Variants in CCDC88C observed in about 807,000 individuals in gnomAD.
CCDC88C encodes coiled-coil and HOOK domain protein 88C, also known as protein Daple.
Under a neutral mutation model 198.8 loss-of-function variants are expected in CCDC88C, and 131 were observed. That is an observed-to-expected ratio of 0.66 (90% CI 0.57 to 0.76). The LOEUF is 0.76. CCDC88C is among the 30% of genes least tolerant of loss of function. The pLI is 0.00. For synonymous variants in CCDC88C, 1,166 were observed against 1,114.7 expected, an observed-to-expected ratio of 1.05 and a Z score of -0.92; for missense variants, 2,553 against 2,631.6, an observed-to-expected ratio of 0.97 and a Z score of 0.65.
At chr14:91,320,875 A>G (rs1892327013) in intron 13 of CCDC88C, among the ~76,000 whole-genome samples, 1 of 152,274 alleles carries the variant, frequency 6.6e-6, no homozygotes, top group South Asian at 2.1e-4. Flanking sequence ...AGAAAGTCAC[A>G]TGTCCGGGTC....
At chr14:91,370,783 G>A (rs547946228) in intron 3 of CCDC88C, among the ~76,000 whole-genome samples, 1 of 152,214 alleles carries the variant, frequency 6.6e-6, no homozygotes, top group African/African-American at 2.4e-5. Flanking sequence ...CCCAACAGCA[G>A]AGGGATGCTG....
At chr14:91,285,709 A>AG in intron 25 of CCDC88C, 2 of 1,288,946 alleles carry the variant, frequency 1.6e-6, no homozygotes, top group Non-Finnish European at 2.0e-6. Flanking sequence ...GAGGCTCGTT[A>AG]GGAGAGGATG....
At position 91,299,986 on chromosome 14, in the gene CCDC88C, C is replaced by T; in HGVS notation, c.3720G>A (p.Glu1240=). 1 of 1,597,208 alleles carries T rather than the reference C, an allele frequency of 6.3e-7. No individual in the cohort carries two copies. Among genetic ancestry groups the T allele is most frequent in the Non-Finnish European group, 8.5e-7 (1 of 1,172,582 alleles). ...CCATGGCGAGGGCGTTTGTCCTCTG[C>T]TCCTGCTGCAGCGCCTCTCGCTCAG... ...LTTEREALQQ[E]QRTNALAMGE... Residue 1240 remains glutamate (E), a synonymous_variant, in exon 21 of 30, where the codon GAG becomes GAA. Coordinates refer to ENST00000389857, the MANE Select transcript of CCDC88C (RefSeq NM_001080414.4).
At chr14:91,355,736 T>C (rs1257480634) in intron 4 of CCDC88C, among the ~76,000 whole-genome samples, 1 of 140,638 alleles carries the variant, frequency 7.1e-6, no homozygotes, top group Non-Finnish European at 1.6e-5. Flanking sequence ...TTCTGTCTGA[T>C]GGGTGTGGGG....
In CCDC88C at chr14:91,321,290, A is replaced by T. The variant is rs1288864278; in HGVS notation, c.1357T>A (p.Phe453Ile). The T allele has an allele frequency of 1.3e-6, 2 of 1,556,422 alleles. No individual in the cohort carries two copies. Among genetic ancestry groups the T allele is most frequent in the Admixed American group, 1.9e-5 (1 of 51,654 alleles). Reference sequence around the variant, plus strand: ...GCACATTCGTTCAGCTCAAACACAAACGACTTCCTGGAGGCTGAAGACAAA... The same window carrying T: ...GCACATTCGTTCAGCTCAAACACAATCGACTTCCTGGAGGCTGAAGACAAA... The part of the protein sequence containing the change: ...ADLSDASRKS[F>I]VFELNECASS... The change falls in exon 13 of 30, where the codon TTT becomes ATT. Residue 453 changes from phenylalanine to isoleucine, a missense_variant. By Grantham distance (21) the Phe-to-Ile change is conservative (BLOSUM62 0). This residue lies in a region of CCDC88C where 1,260 missense variants were observed against 1,412.0 expected (regional missense o/e 0.89). Coordinates refer to ENST00000389857, the MANE Select transcript of CCDC88C (RefSeq NM_001080414.4).
intron 4 of CCDC88C, among the ~76,000 whole-genome samples, chr14:91,351,198 T>C (rs1893771657): frequency 6.6e-6 from 1 of 152,242 alleles, no homozygotes; most frequent in Non-Finnish European, 1.5e-5. Flanking sequence ...CATTCTCTTC[T>C]CTTCTGGCTT....
rs1285769 is a variant in CCDC88C, at chr14:91,331,626, C to A, written c.1051-5570G>T. ...TCACTGGCCGGTGCTGGCCAACAAC[C>A]CTTTCTGTCCCTCTGGCTGACCCCT... On this transcript the variant is annotated intron_variant, in intron 10 of 29. Coordinates refer to ENST00000389857, the MANE Select transcript of CCDC88C (RefSeq NM_001080414.4). Among the ~76,000 whole-genome samples, 1,411 of 152,310 alleles carry A rather than the reference C, an allele frequency of 9.3e-3. 24 individuals carry two copies. The highest frequency in any genetic ancestry group is 0.022 in the East Asian group (114 of 5,180).
rs1028070874 is a variant in CCDC88C at position 91,343,725 on chromosome 14, G to A, written c.341-68C>T. On this transcript the variant is annotated intron_variant, in intron 4 of 29. Coordinates refer to ENST00000389857, the MANE Select transcript of CCDC88C (RefSeq NM_001080414.4). ...ATATAATTTCAGTGACATGTTTACC[G>A]TAGGGAAAAAACAGATAAAAAAAAA... The A allele has an allele frequency of 1.6e-5, 25 of 1,590,968 alleles. No individual in the cohort carries two copies. The highest frequency in any genetic ancestry group is 1.6e-4 in the Middle Eastern group (1 of 6,068).
chr14:91,371,174 G>C lies in CCDC88C; in HGVS notation c.271-11463C>G, dbSNP rs568071998. Reference sequence around the variant, plus strand: ...CAGCATCGGTGCTCCAGTGCTTGGAGTTGATATAAGGGCCCTGATTTTATG... The same window carrying C: ...CAGCATCGGTGCTCCAGTGCTTGGACTTGATATAAGGGCCCTGATTTTATG... On this transcript the variant is annotated intron_variant, in intron 3 of 29. Transcript: ENST00000389857. The surrounding 1 kb of genome is among the most constrained non-coding windows in gnomAD (Gnocchi z 4.2). Among the ~76,000 whole-genome samples, 1 of 152,076 alleles carries C rather than the reference G, an allele frequency of 6.6e-6. No individual in the cohort carries two copies. Among genetic ancestry groups the C allele is most frequent in the African/African-American group, 2.4e-5 (1 of 41,406 alleles).
intron 26 of CCDC88C, 77 bp downstream of exon 26, chr14:91,283,252 T>A: frequency 6.9e-7 from 1 of 1,446,176 alleles, no homozygotes; most frequent in Non-Finnish European, 9.5e-7. Context: ...GCAACCTCTC[T>A]GATTTCCGAG....
At chr14:91,306,099 T>G (rs1294015660) in intron 18 of CCDC88C, among the ~76,000 whole-genome samples, 173 bp from the exon 19 acceptor site, 1 of 152,096 alleles carries the variant, frequency 6.6e-6, no homozygotes, top group Non-Finnish European at 1.5e-5. Context: ...ATCAGCAGGA[T>G]TTTTTTTAAA....
At chr14:91,377,479 C>T (rs559467382) in intron 3 of CCDC88C, among the ~76,000 whole-genome samples, 112 of 152,268 alleles carry the variant, frequency 7.4e-4, no homozygotes, top group Middle Eastern at 3.4e-3. Flanking sequence ...GCCACCCGAG[C>T]ATGGGACGCA....
At chr14:91,277,616 C>G (rs1398648856) in intron 29 of CCDC88C, among the ~76,000 whole-genome samples, 1 of 152,202 alleles carries the variant, frequency 6.6e-6, no homozygotes, top group Admixed American at 6.5e-5. Context: ...ACTCAGAGCT[C>G]TGCCGTGAAA....
chr14:91,388,397 T>C (rs1467976677), intron 3 of CCDC88C, among the ~76,000 whole-genome samples: 4 of 152,180 alleles, frequency 2.6e-5, no homozygotes, highest in Non-Finnish European at 5.9e-5. Context: ...CTCAACGTTC[T>C]TGACACTGAT....
At chr14:91,296,457 A>G (rs950197165) in intron 22 of CCDC88C, among the ~76,000 whole-genome samples, 4 of 152,206 alleles carry the variant, frequency 2.6e-5, no homozygotes, top group Non-Finnish European at 5.9e-5. Flanking sequence ...TGCCTGTGAC[A>G]GCACAGCCCC....
chr14:91,360,498 C>T (rs149493435), intron 3 of CCDC88C, among the ~76,000 whole-genome samples: 47 of 152,260 alleles, frequency 3.1e-4, no homozygotes, highest in African/African-American at 1.1e-3. Context: ...TGCTACTGAG[C>T]CTTTCTAATC....
At chr14:91,416,342 C>A (rs376997015) in intron 2 of CCDC88C, among the ~76,000 whole-genome samples, 1 of 152,138 alleles carries the variant, frequency 6.6e-6, no homozygotes, top group South Asian at 2.1e-4. Context: ...TTTACAGTAA[C>A]CCTCGGATGC....
chr14:91,313,846 G>A lies in CCDC88C; in HGVS notation c.1970C>T (p.Ala657Val). The A allele has an allele frequency of 6.2e-7, 1 of 1,603,362 alleles. No individual in the cohort carries two copies. The highest frequency in any genetic ancestry group is 8.5e-7 in the Non-Finnish European group (1 of 1,176,478). The change falls in exon 15 of 30, where the codon GCC (alanine) becomes GTC (valine). Residue 657 changes from alanine (A) to valine (V), a missense_variant. Ala to Val is a moderately conservative substitution (Grantham distance 64). Around this residue, in one of 2 missense-constraint regions of CCDC88C, gnomAD observed 1,260 missense variants for 1,412.0 expected, o/e 0.89. Coordinates refer to ENST00000389857, the MANE Select transcript of CCDC88C (RefSeq NM_001080414.4). The surrounding 1 kb of genome is among the most constrained non-coding windows in gnomAD (Gnocchi z 5.2). ...CTCCAGGGCCTCGACTTTCTCGGTG[G>A]CTGTCTCCAGGGAGGTCACCTTCCT... Reference protein sequence around the residue: ...LARKVTSLETATEKVEALEHE... With the variant: ...LARKVTSLETVTEKVEALEHE...
intron 10 of CCDC88C, among the ~76,000 whole-genome samples, chr14:91,333,982 T>C (rs1422686209): frequency 6.6e-6 from 1 of 152,252 alleles, no homozygotes; most frequent in Admixed American, 6.5e-5. Context: ...GACCTTTTAC[T>C]TGGAATACCT....
Sources: allele counts gnomAD v4.1 joint callset (sites outside exome capture counted in the v4.1 genomes callset), GRCh38; gene constraint gnomAD v4.1.1; regional missense constraint gnomAD v4.1.1; non-coding constraint Gnocchi (gnomAD v3.1); transcripts MANE v1.5; gene names NCBI Gene and HGNC (gene_info 2026-07-23, HGNC 2026-07-21).